The following ALDH1L1 variants were observed in gnomAD, a reference collection of about 807,000 sequenced individuals.
ALDH1L1 encodes aldehyde dehydrogenase 1 family member L1.
ALDH1L1 carries 68 observed loss-of-function variants against 101.1 expected under a neutral mutation model. The ratio of observed to expected loss-of-function variants is 0.67; its 90% CI spans 0.55 to 0.82. The LOEUF (loss-of-function observed/expected upper bound fraction) is 0.82. ALDH1L1 is among the 40% of genes least tolerant of loss of function. The pLI is 0.00. For missense variants in ALDH1L1, 1,087 were observed against 1,172.7 expected, an observed-to-expected ratio of 0.93 and a Z score of 1.07; for synonymous variants, 486 against 470.8, an observed-to-expected ratio of 1.03 and a Z score of -0.42.
chr3:126,120,390 T>C (rs1340592222), intron 16 of ALDH1L1, among the ~76,000 whole-genome samples: 1 of 152,150 alleles, frequency 6.6e-6, no homozygotes, highest in Admixed American at 6.5e-5. Context: ...CCGCATATGA[T>C]TGCAATTACA....
At chr3:126,175,286 A>G (rs2108333287) in intron 1 of ALDH1L1, among the ~76,000 whole-genome samples, 1 of 152,242 alleles carries the variant, frequency 6.6e-6, no homozygotes, top group African/African-American at 2.4e-5. Context: ...AATGAATATG[A>G]CTAAACATTT....
intron 1 of ALDH1L1, among the ~76,000 whole-genome samples, chr3:126,192,978 G>T (rs2081561496): frequency 6.6e-6 from 1 of 152,184 alleles, no homozygotes; most frequent in South Asian, 2.1e-4. Context: ...CTGGCTACAG[G>T]TTGGAGTTTG....
At chr3:126,179,649 T>C (rs957224764) in intron 1 of ALDH1L1, 12 of 152,126 alleles carry the variant, frequency 7.9e-5, no homozygotes, top group African/African-American at 2.9e-4. Flanking sequence ...GAAACTAAGA[T>C]TCAGAACACA....
intron 1 of ALDH1L1, among the ~76,000 whole-genome samples, chr3:126,162,021 C>G (rs183379612): frequency 1.3e-5 from 2 of 152,270 alleles, no homozygotes; most frequent in East Asian, 3.9e-4. Flanking sequence ...TCAACATTAT[C>G]TTTGTGGTTG....
chr3:126,197,430 AT>A (rs1389707926), intron 1 of ALDH1L1, among the ~76,000 whole-genome samples: 7 of 152,132 alleles, frequency 4.6e-5, no homozygotes, highest in Non-Finnish European at 8.8e-5. Flanking sequence ...ATCCCTGAAA[AT>A]TTTTAAAAGC....
intron 12 of ALDH1L1, among the ~76,000 whole-genome samples, chr3:126,133,121 A>G (rs1308490647): frequency 2.0e-5 from 3 of 152,194 alleles, no homozygotes; most frequent in African/African-American, 7.2e-5. Flanking sequence ...CACCAAACTC[A>G]AATTTTCCCA....
At position 126,131,531 on chromosome 3, in the gene ALDH1L1, C is replaced by T; in HGVS notation, c.1476G>A (p.Leu492=). Residue 492 remains leucine, a synonymous_variant, in exon 13 of 23, where the codon TTG becomes TTA. Transcript: ENST00000393434. ...CCTGGTGCTGCTCCATGAGATCTGC[C>T]AACCTGACCAGGGTGAGGGGAAGCG... The part of the protein sequence containing the change: ...ARDRGRLMYR[L]ADLMEQHQEE... The T allele has an allele frequency of 6.2e-7, 1 of 1,605,992 alleles. No individual in the cohort carries two copies. Among genetic ancestry groups the T allele is most frequent in the Non-Finnish European group, 8.5e-7 (1 of 1,173,350 alleles).
chr3:126,106,938 G>A (rs1305263274), intron 21 of ALDH1L1, among the ~76,000 whole-genome samples: 3 of 152,196 alleles, frequency 2.0e-5, no homozygotes, highest in Non-Finnish European at 4.4e-5. Flanking sequence ...GCTCACAGGG[G>A]GGACTCAAAG....
chr3:126,186,503 GACCCTGAC>G (rs2081519449), upstream of ALDH1L1, among the ~76,000 whole-genome samples: 1 of 65,582 alleles, frequency 1.5e-5, no homozygotes, highest in Non-Finnish European at 4.5e-5. Context: ...ACCTGACCCT[GACCCTGAC>G]CCTGACCCTG....
Position 126,146,921 on chromosome 3 carries a change from A to C in ALDH1L1, c.990T>G (p.Val330=), listed in dbSNP as rs763778225. ...GGACTTTGGGGAGGATCCGCTGCCA[A>C]ACACTCTGCAAAGCAAGACCTGATG... The part of the protein sequence containing the change: ...ELVTAEAVRS[V]WQRILPKVLE... The change falls in exon 9 of 23, where the codon GTT becomes GTG. Residue 330 remains valine (V), a synonymous_variant. Coordinates refer to ENST00000393434, the MANE Select transcript of ALDH1L1 (RefSeq NM_012190.4). 3 of 1,613,606 alleles carry C rather than the reference A, an allele frequency of 1.9e-6. No individual in the cohort carries two copies. The African/African-American group carries it at 4.0e-5, about 22-fold the overall frequency.
intron 4 of ALDH1L1, 36 bp downstream of exon 4, chr3:126,157,307 G>T (rs1444653319): frequency 8.2e-6 from 13 of 1,588,862 alleles, no homozygotes; most frequent in Admixed American, 1.7e-5. Context: ...AGGGTGCGTC[G>T]GGGCGGGCAG....
intron 16 of ALDH1L1, among the ~76,000 whole-genome samples, chr3:126,124,110 G>GACACACACACACACACACACACACACAC (rs3841921): frequency 1.0e-4 from 15 of 148,900 alleles, no homozygotes; most frequent in African/African-American, 3.7e-4. Context: ...AGGGCGCGCG[G>GACACACACACACACACACACACACACAC]ACACACACAC....
In ALDH1L1 at chr3:126,153,355, G is replaced by A. The variant is rs1232828919; in HGVS notation, c.858+89C>T. On this transcript the variant is annotated intron_variant, in intron 7 of 22. Coordinates refer to ENST00000393434, the MANE Select transcript of ALDH1L1 (RefSeq NM_012190.4). ...CTGGTTTTTTCCATTTTCTCCAGAGGAGCCTAGGGTCTTCCTGTGAGGCCT... is the reference window on the plus strand; with the variant it reads ...CTGGTTTTTTCCATTTTCTCCAGAGAAGCCTAGGGTCTTCCTGTGAGGCCT... The A allele has an allele frequency of 1.9e-6, 3 of 1,590,186 alleles. No individual in the cohort carries two copies. The African/African-American group carries it at 4.0e-5, about 21-fold the overall frequency.
intron 14 of ALDH1L1, chr3:126,129,952 T>G (rs541971100): frequency 1.0e-4 from 29 of 285,650 alleles, no homozygotes; most frequent in African/African-American, 4.6e-4. Context: ...TTATGAACAC[T>G]GACCACCATA....
intron 8 of ALDH1L1, 138 bp downstream of exon 8, chr3:126,150,267 GA>G (rs1205672865): frequency 2.6e-5 from 35 of 1,370,818 alleles, no homozygotes; most frequent in Non-Finnish European, 3.3e-5. Flanking sequence ...AGACGAGATA[GA>G]ACCAACACTG....
At chr3:126,156,183 A>C (rs1472602951) in intron 4 of ALDH1L1, 1 of 152,270 alleles carries the variant, frequency 6.6e-6, no homozygotes, top group Non-Finnish European at 1.5e-5. Flanking sequence ...TGAATTTTTC[A>C]GTATAATTCA....
intron 17 of ALDH1L1, among the ~76,000 whole-genome samples, chr3:126,115,789 G>A (rs1353758576): frequency 2.6e-5 from 4 of 151,824 alleles, no homozygotes; most frequent in Non-Finnish European, 4.4e-5. Flanking sequence ...TGGTCAGGCT[G>A]GTCTTGAACT....
intron 8 of ALDH1L1, among the ~76,000 whole-genome samples, chr3:126,149,545 AT>A (rs904125855): frequency 1.3e-5 from 2 of 152,206 alleles, no homozygotes; most frequent in Non-Finnish European, 2.9e-5. Flanking sequence ...AATAAATAGG[AT>A]TTTTTTTAAA....
At chr3:126,187,254 TA>T in intron 1 of ALDH1L1, among the ~76,000 whole-genome samples, 1 of 150,680 alleles carries the variant, frequency 6.6e-6, no homozygotes. Flanking sequence ...CTGTGGTTCC[TA>T]AAAACGGGGG....
Sources: gnomAD v4.1 joint callset for allele counts (sites outside exome capture counted in the v4.1 genomes callset) on GRCh38, gnomAD v4.1.1 for gene constraint, MANE v1.5 for transcripts, NCBI Gene and HGNC (gene_info 2026-07-23, HGNC 2026-07-21) for gene names.